The following SCAF11 variants were observed in gnomAD, a reference collection of about 807,000 sequenced individuals.
The protein encoded by SCAF11 is protein SCAF11.
SCAF11 carries 47 observed loss-of-function variants against 140.5 expected under a neutral mutation model. The ratio of observed to expected loss-of-function variants is 0.33; its 90% CI spans 0.26 to 0.43. The LOEUF is 0.43. SCAF11 is among the 20% of genes least tolerant of loss of function. The probability of loss-of-function intolerance (pLI) is 1.00; values close to 1 mark genes in which losing one functional copy is unlikely to be tolerated. For missense variants in SCAF11, 1,645 were observed against 1,705.1 expected (o/e 0.96, Z 0.62); for synonymous variants, 557 against 579.4 (o/e 0.96, Z 0.55).
At chr12:45,965,133 A>G (rs1945915128) in intron 1 of SCAF11, among the ~76,000 whole-genome samples, 1 of 152,230 alleles carries the variant, frequency 6.6e-6, no homozygotes, top group African/African-American at 2.4e-5. Flanking sequence ...CTTAGATTCA[A>G]TCTTACAAAT....
intron 5 of SCAF11, 84 bp downstream of exon 5, chr12:45,948,353 C>G: frequency 1.2e-6 from 1 of 826,086 alleles, no homozygotes; most frequent in Non-Finnish European, 2.0e-6. Flanking sequence ...ATTTAAACCC[C>G]ACTTCATTTT....
chr12:45,947,547 G>A (rs989948111), intron 5 of SCAF11, among the ~76,000 whole-genome samples: 47 of 152,168 alleles, frequency 3.1e-4, no homozygotes, highest in African/African-American at 1.1e-3. Context: ...ATACTATTAG[G>A]TATTCCGTAC....
At chr12:45,957,546 C>T (rs1338461095) in intron 3 of SCAF11, among the ~76,000 whole-genome samples, 1 of 152,008 alleles carries the variant, frequency 6.6e-6, no homozygotes, top group African/African-American at 2.4e-5. Context: ...TGCCAACTGC[C>T]GAATTTTGAT....
chr12:45,976,103 A>G (rs1946226863), intron 1 of SCAF11, among the ~76,000 whole-genome samples: 2 of 152,178 alleles, frequency 1.3e-5, no homozygotes, highest in Admixed American at 6.5e-5. Flanking sequence ...AGGTATGCCT[A>G]TATGTGTACA....
At chr12:45,932,598 T>C (rs570217756) in intron 9 of SCAF11, among the ~76,000 whole-genome samples, 2 of 152,280 alleles carry the variant, frequency 1.3e-5, no homozygotes, top group Admixed American at 1.3e-4. Flanking sequence ...GCAGCGACCC[T>C]AATCTTTACT....
At chr12:45,988,261 T>G (rs1946507113) in intron 1 of SCAF11, among the ~76,000 whole-genome samples, 1 of 152,230 alleles carries the variant, frequency 6.6e-6, no homozygotes, top group Non-Finnish European at 1.5e-5. Flanking sequence ...ATTCTACAGT[T>G]GACTTTCTTT....
At chr12:45,989,965 T>G (rs918324791) in intron 1 of SCAF11, among the ~76,000 whole-genome samples, 1 of 150,186 alleles carries the variant, frequency 6.7e-6, no homozygotes, top group Admixed American at 6.6e-5. Flanking sequence ...GGTTCTGGCG[T>G]GGAGCCCCTT....
intron 3 of SCAF11, chr12:45,961,461 T>C (rs1945826324): frequency 3.3e-6 from 2 of 598,742 alleles, no homozygotes; most frequent in South Asian, 2.3e-5. Context: ...CTGTTCTTCC[T>C]ATAAGGTTAT....
intron 11 of SCAF11, among the ~76,000 whole-genome samples, chr12:45,925,538 A>T (rs1337792653): frequency 2.0e-5 from 3 of 152,122 alleles, no homozygotes; most frequent in African/African-American, 7.2e-5. Flanking sequence ...AACAACAGAG[A>T]AACTCCATCT....
At chr12:45,980,298 C>T (rs1946321470) in intron 1 of SCAF11, among the ~76,000 whole-genome samples, 1 of 152,136 alleles carries the variant, frequency 6.6e-6, no homozygotes, top group Non-Finnish European at 1.5e-5. Context: ...TTTTAACCTG[C>T]CTTCTTTATC....
At position 45,922,071 on chromosome 12, in the gene SCAF11, A is replaced by C. The variant is rs1944727427; in HGVS notation, c.4369T>G (p.Ser1457Ala). 1 of 1,613,178 alleles carries C rather than the reference A, an allele frequency of 6.2e-7. No homozygotes were observed. Among genetic ancestry groups the C allele is most frequent in the Admixed American group, 1.7e-5 (1 of 59,820 alleles). The change falls in exon 15 of 15, where the codon TCT becomes GCT. Residue 1457 changes from serine (S) to alanine (A), a missense_variant. Physicochemically the swap from Ser to Ala is moderately conservative, Grantham distance 99. This residue lies in a region of SCAF11 where 63 missense variants were observed against 95.9 expected (regional missense o/e 0.66). Coordinates refer to ENST00000369367, the MANE Select transcript of SCAF11 (RefSeq NM_004719.3). ...SQKKTLEEPVSTEKNIG is the reference protein window; with the variant it reads ...SQKKTLEEPVATEKNIG The stretch of plus-strand genomic sequence containing the variant: ...TTTCAGCCTATGTTTTTTTCAGTAG[A>C]CACAGGTTCTTCCAGAGTTTTCTTT...
chr12:45,988,228 AAAGGG>A (rs2136678127), intron 1 of SCAF11, among the ~76,000 whole-genome samples: 1 of 152,328 alleles, frequency 6.6e-6, no homozygotes, highest in African/African-American at 2.4e-5. Flanking sequence ...AGGGCTTGCT[AAAGGG>A]AAGTTACAAT....
intron 5 of SCAF11, among the ~76,000 whole-genome samples, chr12:45,947,937 A>G (rs1945463334): frequency 6.6e-6 from 1 of 152,152 alleles, no homozygotes; most frequent in Admixed American, 6.5e-5. Context: ...TCAGTCTCCC[A>G]AAGTGCTAGC....
intron 4 of SCAF11, among the ~76,000 whole-genome samples, chr12:45,949,516 T>G (rs954143230): frequency 6.6e-6 from 1 of 152,168 alleles, no homozygotes; most frequent in African/African-American, 2.4e-5. Context: ...TATAGTATAC[T>G]TCTATCAGAC....
chr12:45,990,350 T>A lies in SCAF11; in HGVS notation c.-22+3A>T. ...TCCACCCCGCGGGTCGACCAGTGTT[T>A]ACCTCAGACCGAGGTCGAGGCGCTC... is the stretch of plus-strand genomic sequence containing the variant. On this transcript the variant is annotated splice_donor_region_variant and intron_variant, in intron 1 of 14. Transcript: ENST00000369367. The A allele has an allele frequency of 8.1e-7, 1 of 1,232,054 alleles. No homozygotes were observed. Among genetic ancestry groups the A allele is most frequent in the Non-Finnish European group, 1.0e-6 (1 of 988,278 alleles). 76.3% of individuals were successfully genotyped at this position (1,232,054 alleles called of 1,614,324 possible).
At position 45,928,325 on chromosome 12, in the gene SCAF11, T is replaced by C; in HGVS notation, c.1376A>G (p.Lys459Arg). The C allele has an allele frequency of 6.2e-7, 1 of 1,614,072 alleles. No homozygotes were observed. The highest frequency in any genetic ancestry group is 2.2e-5 in the East Asian group (1 of 44,870). ...SCNEQIEESE[K>R]HTANYDTEER... is the part of the protein sequence containing the mutation. ...CTCTGTATCATAATTTGCAGTATGC[T>C]TCTCACTTTCTTCTATTTGCTCATT... is the stretch of plus-strand genomic sequence containing the variant. Residue 459 changes from lysine to arginine, a missense_variant, in exon 11 of 15, where the codon AAG (lysine) becomes AGG (arginine). By Grantham distance (26) the Lys-to-Arg change is conservative (BLOSUM62 2). Around this residue, in one of 2 missense-constraint regions of SCAF11, gnomAD observed 1,582 missense variants for 1,609.2 expected, o/e 0.98. Transcript: ENST00000369367.
chr12:45,945,318 A>G lies in SCAF11; in HGVS notation c.399-5T>C. 3.9e-6 allele frequency: 6 copies of G among 1,522,242 alleles called. No individual in the cohort carries two copies. Among genetic ancestry groups the G allele is most frequent in the East Asian group, 2.3e-5 (1 of 43,870 alleles). The allele number at this position is 1,522,242 out of a possible 1,614,324, so 94.3% of individuals were successfully genotyped here. Reference sequence around the variant, plus strand: ...TCTCTTACGATGGCTTTTCTTCTGTAAACATCAATAAAGACAGGAAAGAAT... The same window carrying G: ...TCTCTTACGATGGCTTTTCTTCTGTGAACATCAATAAAGACAGGAAAGAAT... On this transcript the variant is annotated splice_polypyrimidine_tract_variant and splice_region_variant and intron_variant, in intron 5 of 14. Coordinates refer to ENST00000369367, the MANE Select transcript of SCAF11 (RefSeq NM_004719.3).
Position 45,928,409 on chromosome 12 carries a change from T to A in SCAF11, c.1292A>T (p.Asn431Ile). The A allele has an allele frequency of 6.2e-7, 1 of 1,613,482 alleles. No individual in the cohort carries two copies. Among genetic ancestry groups the A allele is most frequent in the Non-Finnish European group, 8.5e-7 (1 of 1,179,486 alleles). ...TACATGAGTCTGCACAGTACAAATGTTACTACTGTCTACATCTGGTTGGTG... is the reference window on the plus strand; with the variant it reads ...TACATGAGTCTGCACAGTACAAATGATACTACTGTCTACATCTGGTTGGTG... ...KEHQPDVDSS[N>I]ICTVQTHVEN... is the part of the protein sequence containing the mutation. Residue 431 changes from asparagine (N) to isoleucine (I), a missense_variant, in exon 11 of 15, where the codon AAC becomes ATC. By Grantham distance (149) the Asn-to-Ile change is moderately radical. Around this residue, in one of 2 missense-constraint regions of SCAF11, gnomAD observed 1,582 missense variants for 1,609.2 expected, o/e 0.98. Coordinates refer to ENST00000369367, the MANE Select transcript of SCAF11 (RefSeq NM_004719.3).
At chr12:45,940,502 G>A (rs562383643) in intron 6 of SCAF11, among the ~76,000 whole-genome samples, 1 of 152,318 alleles carries the variant, frequency 6.6e-6, no homozygotes, top group South Asian at 2.1e-4. Context: ...AGAGTCAGAA[G>A]ACTGGATCAA....
Sources: gnomAD v4.1 joint callset for allele counts (sites outside exome capture counted in the v4.1 genomes callset) on GRCh38, gnomAD v4.1.1 for gene constraint, gnomAD v4.1.1 regional missense constraint, MANE v1.5 for transcripts, NCBI Gene and HGNC (gene_info 2026-07-23, HGNC 2026-07-21) for gene names.